Variants in NUGGC observed in about 807,000 individuals in gnomAD.
NUGGC encodes nuclear GTPase, germinal center associated, also known as nuclear GTPase SLIP-GC.
Under a neutral mutation model 92.6 loss-of-function variants are expected in NUGGC, and 58 were observed. That is an observed-to-expected ratio of 0.63 (90% CI 0.51 to 0.78). The LOEUF is 0.78. Among genes scored for constraint, NUGGC ranks in the 30% least tolerant of loss-of-function variants. NUGGC has a pLI of 0.00. For synonymous variants in NUGGC, 376 were observed against 366.4 expected, an observed-to-expected ratio of 1.03 and a Z score of -0.30; for missense variants, 925 against 964.6, an observed-to-expected ratio of 0.96 and a Z score of 0.54.
chr8:28,033,906 A>T (rs140809036), intron 13 of NUGGC, among the ~76,000 whole-genome samples: 1 of 152,322 alleles, frequency 6.6e-6, no homozygotes. Context: ...GGCTTCCTAA[A>T]GTCCCTGTGC....
rs527893684 is a variant in NUGGC, at chr8:28,039,201, T to A, written c.1611+1850A>T. ...TAGAGAATCTCCTCCTTTCCTTTCATCCAAATTGCAGCACATGCATCTACT... is the reference window on the plus strand; with the variant it reads ...TAGAGAATCTCCTCCTTTCCTTTCAACCAAATTGCAGCACATGCATCTACT... On this transcript the variant is annotated intron_variant, in intron 13 of 18. Transcript: ENST00000413272. Among the ~76,000 whole-genome samples the A allele has an allele frequency of 1.6e-4, 25 of 151,696 alleles. No individual in the cohort carries two copies. The East Asian group carries it at 3.9e-3, about 24-fold the overall frequency.
intron 11 of NUGGC, 125 bp downstream of exon 11, chr8:28,047,382 T>A: frequency 1.6e-6 from 1 of 623,672 alleles, no homozygotes; most frequent in Non-Finnish European, 2.8e-6. Flanking sequence ...GCAATTGGTA[T>A]TGAAACCATG....
At chr8:28,068,175 A>AGGAAGGAAG (rs1810493192) in intron 5 of NUGGC, 41 bp downstream of exon 5, 4 of 1,244,408 alleles carry the variant, frequency 3.2e-6, no homozygotes, top group Non-Finnish European at 4.6e-6. Flanking sequence ...GGAAGGAAAA[A>AGGAAGGAAG]GGAAGGAAGG....
intron 1 of NUGGC, 74 bp from the exon 2 acceptor site, chr8:28,074,530 T>C: frequency 3.2e-6 from 3 of 929,406 alleles, no homozygotes; most frequent in Non-Finnish European, 5.1e-6. Context: ...TAAGGATGTG[T>C]CAGTCTGCTT....
At chr8:28,080,821 G>C (rs1286327931) in intron 1 of NUGGC, among the ~76,000 whole-genome samples, 76 of 152,134 alleles carry the variant, frequency 5.0e-4, no homozygotes, top group Admixed American at 4.8e-3. Flanking sequence ...GAAACAATGT[G>C]GTCACAGTAT....
At chr8:28,078,984 A>C (rs1248412131) in intron 1 of NUGGC, among the ~76,000 whole-genome samples, 3 of 152,188 alleles carry the variant, frequency 2.0e-5, no homozygotes, top group Non-Finnish European at 2.9e-5. Flanking sequence ...TTTTGCTTTT[A>C]GTGCTTATTT....
chr8:28,070,699 G>C (rs879647836), intron 2 of NUGGC, among the ~76,000 whole-genome samples: 1 of 150,966 alleles, frequency 6.6e-6, no homozygotes, highest in African/African-American at 2.4e-5. Flanking sequence ...AGGCTCATGT[G>C]ATCCTCCCAC....
intron 8 of NUGGC, 21 bp downstream of exon 8, chr8:28,060,405 C>T (rs1810269515): frequency 6.2e-7 from 1 of 1,612,362 alleles, no homozygotes; most frequent in Non-Finnish European, 8.5e-7. Flanking sequence ...AGCCCACATC[C>T]TTGCAAGCCC....
At position 28,078,443 on chromosome 8, in the gene NUGGC, T is replaced by C. The variant is rs1204457780; in HGVS notation, c.-46-3987A>G. ...TATATAGTCATTGGGTTGAACTAAATGATGAGGTGGGAAGAACATTAGGCT... is the reference window on the plus strand; with the variant it reads ...TATATAGTCATTGGGTTGAACTAAACGATGAGGTGGGAAGAACATTAGGCT... On this transcript the variant is annotated intron_variant, in intron 1 of 18. Coordinates refer to ENST00000413272, the MANE Select transcript of NUGGC (RefSeq NM_001010906.2). 2.0e-5 allele frequency among the ~76,000 whole-genome samples: 3 copies of C among 152,162 alleles called. No homozygotes were observed. In the East Asian group the frequency reaches 5.8e-4, roughly 29 times the overall value.
Position 28,059,045 on chromosome 8 carries a change from T to G in NUGGC, c.1098-769A>C, listed in dbSNP as rs149675758. Among the ~76,000 whole-genome samples the G allele has an allele frequency of 3.0e-3, 461 of 152,240 alleles. 2 individuals carry two copies. Among genetic ancestry groups the G allele is most frequent in the African/African-American group, 0.011 (448 of 41,534 alleles). The stretch of plus-strand genomic sequence containing the variant: ...AGTGTTGGCATTGGAAAGGGAGGGC[T>G]GGAGATATTCTCTGCTGGGGTGAGA... On this transcript the variant is annotated intron_variant, in intron 8 of 18. Transcript: ENST00000413272.
In NUGGC at chr8:28,070,336, C is replaced by T. The variant is rs1346243577; in HGVS notation, c.64G>A (p.Glu22Lys). 6.5e-7 allele frequency: 1 copy of T among 1,531,074 alleles called. No individual in the cohort carries two copies. The highest frequency in any genetic ancestry group is 1.2e-5 in the South Asian group (1 of 83,588). 94.8% of individuals were successfully genotyped at this position (1,531,074 alleles called of 1,614,324 possible). Residue 22 changes from glutamate to lysine, a missense_variant, in exon 3 of 19, where the codon GAA (glutamate) becomes AAA (lysine). Coordinates refer to ENST00000413272, the MANE Select transcript of NUGGC (RefSeq NM_001010906.2). The stretch of plus-strand genomic sequence containing the variant: ...GATTTCCTTCTTTTTCTCGTTCGTT[C>T]TTTATATAAATCATCTTCAACTAGA... ...PHPVEDDLYK[E>K]RTRKRRKSDR...
At chr8:28,036,683 C>T (rs1809562521) in intron 13 of NUGGC, among the ~76,000 whole-genome samples, 1 of 152,188 alleles carries the variant, frequency 6.6e-6, no homozygotes, top group Non-Finnish European at 1.5e-5. Context: ...ACCTTGCTTT[C>T]CCACATCTCC....
intron 2 of NUGGC, among the ~76,000 whole-genome samples, chr8:28,071,173 C>A (rs1810581735): frequency 6.6e-6 from 1 of 152,086 alleles, no homozygotes; most frequent in South Asian, 2.1e-4. Flanking sequence ...TTTCTATTTG[C>A]AACTCCTCAG....
At chr8:28,059,231 C>T (rs762730957) in intron 8 of NUGGC, among the ~76,000 whole-genome samples, 24 of 152,218 alleles carry the variant, frequency 1.6e-4, no homozygotes, top group South Asian at 4.2e-4. Context: ...GAGACGCATC[C>T]GTGACATCAC....
intron 10 of NUGGC, 116 bp from the exon 11 acceptor site, chr8:28,047,728 A>G (rs1809876682): frequency 4.9e-6 from 3 of 608,654 alleles, no homozygotes; most frequent in Admixed American, 5.5e-5. Flanking sequence ...TCAGTTCTCC[A>G]TGACCCTCTC....
In NUGGC at chr8:28,069,630, G is replaced by A. The variant is rs748706156; in HGVS notation, c.171C>T (p.Thr57=). The A allele has an allele frequency of 1.2e-6, 2 of 1,608,900 alleles. No individual in the cohort carries two copies. The highest frequency in any genetic ancestry group is 1.1e-5 in the South Asian group (1 of 90,992). ...GATAAGTGTTGCTCAAAACCCTTCTGGTCCGTGATTCCAATTTTTCATCTG... is the reference window on the plus strand; with the variant it reads ...GATAAGTGTTGCTCAAAACCCTTCTAGTCCGTGATTCCAATTTTTCATCTG... ...LKEYEKLESR[T]RRVLSNTYQK... is the part of the protein sequence containing the mutation. The change falls in exon 4 of 19, where the codon ACC becomes ACT. Residue 57 remains threonine, a synonymous_variant. Transcript: ENST00000413272.
chr8:28,062,316 T>C (rs148057719), intron 7 of NUGGC, among the ~76,000 whole-genome samples: 1 of 152,094 alleles, frequency 6.6e-6, no homozygotes, highest in Non-Finnish European at 1.5e-5. Flanking sequence ...TATAATCAAC[T>C]TAGAAAAGCT....
chr8:28,047,624 G>C lies in NUGGC; in HGVS notation c.1207-12C>G. 1 of 1,489,874 alleles carries C rather than the reference G, an allele frequency of 6.7e-7. No homozygotes were observed. Among genetic ancestry groups the C allele is most frequent in the Middle Eastern group, 1.7e-4 (1 of 5,870 alleles). 92.3% of individuals were successfully genotyped at this position (1,489,874 alleles called of 1,614,324 possible). On this transcript the variant is annotated splice_polypyrimidine_tract_variant and intron_variant, in intron 10 of 18. Coordinates refer to ENST00000413272, the MANE Select transcript of NUGGC (RefSeq NM_001010906.2). Reference sequence around the variant, plus strand: ...GCTGGCAGTTTTCTCTGAAGTGAGAGAGTCACACAGAAAACAGAATAACTC... The same window carrying C: ...GCTGGCAGTTTTCTCTGAAGTGAGACAGTCACACAGAAAACAGAATAACTC...
chr8:28,080,286 C>CAG (rs372986321), intron 1 of NUGGC, among the ~76,000 whole-genome samples: 201 of 150,704 alleles, frequency 1.3e-3, no homozygotes, highest in African/African-American at 4.3e-3. Context: ...TAAAACAAGC[C>CAG]AGAGAGAGAG....
Sources: gnomAD v4.1 joint callset for allele counts (sites outside exome capture counted in the v4.1 genomes callset) on GRCh38, gnomAD v4.1.1 for gene constraint, MANE v1.5 for transcripts, NCBI Gene and HGNC (gene_info 2026-07-23, HGNC 2026-07-21) for gene names.